The following ASCC1 variants were observed in gnomAD, a reference collection of about 807,000 sequenced individuals.
ASCC1 encodes ASC-1 complex subunit P50.
A neutral mutation model predicts 46.6 loss-of-function variants in ASCC1; 35 were observed. The ratio of observed to expected loss-of-function variants is 0.75; its 90% confidence interval spans 0.57 to 0.99. ASCC1 has a LOEUF of 0.99. Ranked by LOEUF, ASCC1 falls within the 50% of genes least tolerant of loss-of-function variation. ASCC1 has a pLI of 0.00. For synonymous variants in ASCC1, 143 were observed against 146.6 expected (o/e 0.98, Z 0.18); for missense variants, 376 against 428.7 (o/e 0.88, Z 1.09).
chr10:72,163,969 T>C (rs1226488575), intron 5 of ASCC1, among the ~76,000 whole-genome samples: 1 of 152,160 alleles, frequency 6.6e-6, no homozygotes, highest in Non-Finnish European at 1.5e-5. Flanking sequence ...TTTATATTTA[T>C]TTTTATTTTT....
intron 5 of ASCC1, among the ~76,000 whole-genome samples, chr10:72,167,090 C>A (rs1387068496): frequency 6.6e-6 from 1 of 152,136 alleles, no homozygotes; most frequent in African/African-American, 2.4e-5. Flanking sequence ...ACAATGCAGC[C>A]ATTTCACTCC....
intron 7 of ASCC1, 140 bp downstream of exon 7, chr10:72,152,728 CT>C: frequency 2.9e-6 from 3 of 1,040,522 alleles, no homozygotes; most frequent in Non-Finnish European, 4.1e-6. Context: ...GATTAACTTA[CT>C]ATTAAAAAAA....
chr10:72,176,580 A>G (rs1356512099), intron 5 of ASCC1, among the ~76,000 whole-genome samples: 1 of 152,004 alleles, frequency 6.6e-6, no homozygotes, highest in Non-Finnish European at 1.5e-5. Context: ...CCTGGACTCA[A>G]GGGATCCTCC....
Position 72,122,670 on chromosome 10 carries a change from T to C in ASCC1, c.957+5412A>G, listed in dbSNP as rs375493838. Among the ~76,000 whole-genome samples, 14 of 150,832 alleles carry C rather than the reference T, an allele frequency of 9.3e-5. No homozygotes were observed. In the East Asian group the frequency reaches 2.6e-3, roughly 28 times the overall value. Reference sequence around the variant, plus strand: ...GTGCATGCCTGTAGTCTCAGCTACTTGGGAGGCTGAGGTGAAAGGATTACT... The same window carrying C: ...GTGCATGCCTGTAGTCTCAGCTACTCGGGAGGCTGAGGTGAAAGGATTACT... On this transcript the variant is annotated intron_variant, in intron 9 of 9. Coordinates refer to ENST00000672957, the MANE Select transcript of ASCC1 (RefSeq NM_001198800.3).
rs767294132 is a variant in ASCC1, at chr10:72,128,185, A to G, written c.872-18T>C. 8 of 1,597,494 alleles carry G rather than the reference A, an allele frequency of 5.0e-6. No individual in the cohort carries two copies. Among genetic ancestry groups the G allele is most frequent in the Non-Finnish European group, 6.9e-6 (8 of 1,165,250 alleles). On this transcript the variant is annotated intron_variant, in intron 8 of 9. Coordinates refer to ENST00000672957, the MANE Select transcript of ASCC1 (RefSeq NM_001198800.3). ...GCCTTCAGCTGTAAATATTCCAAAG[A>G]TAATGTTAGAAGCTTAGATTGATTG...
intron 9 of ASCC1, among the ~76,000 whole-genome samples, chr10:72,115,412 T>C (rs553260528): frequency 6.6e-6 from 1 of 152,294 alleles, no homozygotes; most frequent in South Asian, 2.1e-4. Flanking sequence ...AGAGGTAGTA[T>C]CTGTATTGGA....
intron 1 of ASCC1, among the ~76,000 whole-genome samples, chr10:72,213,836 A>T (rs1219018095): frequency 6.6e-6 from 1 of 150,992 alleles, no homozygotes; most frequent in Non-Finnish European, 1.5e-5. Context: ...TCAGGAGTTC[A>T]AGACCAGCCT....
rs370246332 is a variant in ASCC1, at chr10:72,205,567, T to G, written c.213-2043A>C. On this transcript the variant is annotated intron_variant, in intron 3 of 9. Coordinates refer to ENST00000672957, the MANE Select transcript of ASCC1 (RefSeq NM_001198800.3). ...ATTGCTTGAACTCGGGAGGCAGAGG[T>G]TGCAGTGAGCCAAGATCACACCACT... 1.1e-3 allele frequency among the ~76,000 whole-genome samples: 158 copies of G among 149,374 alleles called. 3 individuals carry two copies. Among genetic ancestry groups the G allele is most frequent in the African/African-American group, 3.3e-3 (132 of 40,560 alleles).
chr10:72,138,267 T>C (rs1846503202), intron 7 of ASCC1, among the ~76,000 whole-genome samples: 1 of 152,180 alleles, frequency 6.6e-6, no homozygotes. Flanking sequence ...ACTTTCCCCC[T>C]TAATCTCTTG....
chr10:72,205,025 T>C (rs1334182869), intron 3 of ASCC1, among the ~76,000 whole-genome samples: 5 of 152,214 alleles, frequency 3.3e-5, no homozygotes, highest in Admixed American at 6.5e-5. Context: ...GGAATTCATA[T>C]AACCACTGTA....
chr10:72,137,867 CT>C (rs201028015), intron 7 of ASCC1, among the ~76,000 whole-genome samples: 98 of 145,680 alleles, frequency 6.7e-4, no homozygotes, highest in Admixed American at 8.2e-4. Flanking sequence ...TCTTCTTCTT[CT>C]TTTTTTTTTT....
At chr10:72,213,371 A>G in intron 1 of ASCC1, 40 bp from the exon 2 acceptor site, 1 of 1,115,318 alleles carries the variant, frequency 9.0e-7, no homozygotes, top group Non-Finnish European at 1.4e-6. Flanking sequence ...CTTAGTGAGA[A>G]TTAAAACTCC....
At chr10:72,099,773 T>C (rs1187132584) in intron 9 of ASCC1, among the ~76,000 whole-genome samples, 1 of 152,100 alleles carries the variant, frequency 6.6e-6, no homozygotes, top group African/African-American at 2.4e-5. Flanking sequence ...TGAGCCGAGA[T>C]TGCATCACTG....
chr10:72,158,470 A>C (rs538978141), intron 6 of ASCC1, among the ~76,000 whole-genome samples: 2 of 152,198 alleles, frequency 1.3e-5, no homozygotes, highest in African/African-American at 4.8e-5. Context: ...CTCACAAAGG[A>C]AAGTCACCAG....
chr10:72,149,054 T>C (rs1438113424), intron 7 of ASCC1, among the ~76,000 whole-genome samples: 3 of 152,178 alleles, frequency 2.0e-5, no homozygotes, highest in Non-Finnish European at 2.9e-5. Flanking sequence ...ATTTGTCTTC[T>C]ATTAAAGAGA....
At chr10:72,208,390 G>A (rs570244038) in intron 3 of ASCC1, among the ~76,000 whole-genome samples, 1 of 150,970 alleles carries the variant, frequency 6.6e-6, no homozygotes, top group East Asian at 1.9e-4. Context: ...AATGTCACTA[G>A]AGCCTGATTT....
At chr10:72,154,228 A>G (rs73274909) in intron 6 of ASCC1, among the ~76,000 whole-genome samples, 19,620 of 152,176 alleles carry the variant, frequency 0.13, 3,999 homozygotes, top group African/African-American at 0.43. Flanking sequence ...AAGGAACAAC[A>G]AAATTAGAAT....
At chr10:72,128,243 G>A in intron 8 of ASCC1, 76 bp from the exon 9 acceptor site, 1 of 1,281,204 alleles carries the variant, frequency 7.8e-7, no homozygotes, top group South Asian at 1.2e-5. Context: ...TAGGTACATA[G>A]GTACGACTAG....
intron 5 of ASCC1, among the ~76,000 whole-genome samples, chr10:72,183,815 A>C (rs924052478): frequency 6.6e-6 from 1 of 152,122 alleles, no homozygotes; most frequent in African/African-American, 2.4e-5. Flanking sequence ...AACAAATAAA[A>C]GCTGAGAGAA....
Sources: gnomAD v4.1 joint callset for allele counts (sites outside exome capture counted in the v4.1 genomes callset) on GRCh38, gnomAD v4.1.1 for gene constraint, MANE v1.5 for transcripts, NCBI Gene and HGNC (gene_info 2026-07-23, HGNC 2026-07-21) for gene names.